ZBTB8B: variants seen among roughly 807,000 people sequenced by gnomAD.
ZBTB8B encodes the protein zinc finger and BTB domain containing 8B, also known as zinc finger and BTB domain-containing protein 8B.
ZBTB8B carries 17 observed loss-of-function variants against 30.3 expected under a neutral mutation model. The ratio of observed to expected loss-of-function variants is 0.56; its 90% CI spans 0.38 to 0.84. The LOEUF (loss-of-function observed/expected upper bound fraction) is 0.84, where lower values mean the gene tolerates loss of function less well. ZBTB8B is among the 40% of genes least tolerant of loss of function. The pLI, the probability that ZBTB8B is intolerant of heterozygous loss-of-function variation, is 0.00. For synonymous variants in ZBTB8B, 248 were observed against 255.6 expected (o/e 0.97, Z 0.28); for missense variants, 515 against 644.9 (o/e 0.80, Z 2.18).
At chr1:32,483,699 TAAA>T (rs1643724284) in intron 3 of ZBTB8B, among the ~76,000 whole-genome samples, 1 of 149,296 alleles carries the variant, frequency 6.7e-6, no homozygotes, top group Admixed American at 6.7e-5. Flanking sequence ...TATACTTTAA[TAAA>T]AATAAAAATA....
At position 32,485,657 on chromosome 1, in the gene ZBTB8B, G is replaced by A; in HGVS notation, c.*239G>A. The A allele has an allele frequency of 1.9e-6, 1 of 517,404 alleles. No individual in the cohort carries two copies. The allele number at this position is 517,404 out of a possible 1,614,324, so 32.1% of individuals were successfully genotyped here. On this transcript the variant is annotated 3_prime_UTR_variant, in exon 4 of 4. Transcript: ENST00000609129. ...TTTGCTGGCCACTCCTTAATTCTGA[G>A]TGAGTCAAAGCAGGCCCTGAGGTCT...
At chr1:32,476,217 C>T (rs572035570) in intron 2 of ZBTB8B, among the ~76,000 whole-genome samples, 2 of 152,120 alleles carry the variant, frequency 1.3e-5, no homozygotes, top group South Asian at 4.1e-4. Flanking sequence ...CTCACTGCAG[C>T]CTCGACCTCC....
In ZBTB8B at chr1:32,485,473, G is replaced by GT; in HGVS notation, c.*57dup. The stretch of plus-strand genomic sequence containing the variant: ...AAAACTTGTTAGTGCTCGTTCTGTT[G>GT]TTGAAAGATACCATTTGTCCAATTT... On this transcript the variant is annotated 3_prime_UTR_variant, in exon 4 of 4. Transcript: ENST00000609129. 6.7e-7 allele frequency: 1 copy of GT among 1,492,872 alleles called. No homozygotes were observed. Among genetic ancestry groups the GT allele is most frequent in the Non-Finnish European group, 9.0e-7 (1 of 1,106,500 alleles). 92.5% of individuals were successfully genotyped at this position (1,492,872 alleles called of 1,614,324 possible).
chr1:32,476,635 C>T lies in ZBTB8B; in HGVS notation c.992-4256C>T, dbSNP rs975559294. ...ACCACGTACCTTCCTTGCTTAAAAT[C>T]CTAGCTGGCTGGGAGTGGTGGCTCA... On this transcript the variant is annotated intron_variant, in intron 2 of 3. Transcript: ENST00000609129. 2.0e-5 allele frequency among the ~76,000 whole-genome samples: 3 copies of T among 152,074 alleles called. No homozygotes were observed. In the South Asian group the frequency reaches 6.2e-4, roughly 32 times the overall value.
chr1:32,467,072 G>T (rs1210332878), intron 1 of ZBTB8B, among the ~76,000 whole-genome samples: 2 of 152,076 alleles, frequency 1.3e-5, no homozygotes, highest in African/African-American at 4.8e-5. Context: ...TAGGAGGATT[G>T]CTTGAGCCTG....
In ZBTB8B at chr1:32,494,516, G is replaced by A. The variant is rs904094499; in HGVS notation, c.*9098G>A. On this transcript the variant is annotated 3_prime_UTR_variant, in exon 4 of 4. Coordinates refer to ENST00000609129, the MANE Select transcript of ZBTB8B (RefSeq NM_001145720.2). ...ATAAAGTATGCATTGTGTGATTATG[G>A]TCTGCATTCTTGCAATGCTTAGACA... is the stretch of plus-strand genomic sequence containing the variant. 1 of 152,030 alleles carries A rather than the reference G, an allele frequency of 6.6e-6. No homozygotes were observed. Among genetic ancestry groups the A allele is most frequent in the Non-Finnish European group, 1.5e-5 (1 of 68,042 alleles). The allele number at this position is 152,030 out of a possible 1,614,324, so 9.4% of individuals were successfully genotyped here.
chr1:32,471,750 GTACCATCATCAT>G, intron 2 of ZBTB8B, 135 bp downstream of exon 2: 1 of 991,532 alleles, frequency 1.0e-6, no homozygotes, highest in South Asian at 1.7e-5. Flanking sequence ...ATCATCACCA[GTACCATCATCAT>G]TACCATCATC....
Position 32,470,963 on chromosome 1 carries a change from C to T in ZBTB8B, c.339C>T (p.Phe113=). The T allele has an allele frequency of 1.3e-6, 2 of 1,552,260 alleles. No individual in the cohort carries two copies. Among genetic ancestry groups the T allele is most frequent in the Non-Finnish European group, 1.7e-6 (2 of 1,147,120 alleles). ...TGCAGATGAATGACGTGGTGAACTT[C>T]TGCAAGACATACATTAGGTCATCCC... The part of the protein sequence containing the change: ...SYLQMNDVVN[F]CKTYIRSSLD... Residue 113 remains phenylalanine, a synonymous_variant, in exon 2 of 4, where the codon TTC becomes TTT. Coordinates refer to ENST00000609129, the MANE Select transcript of ZBTB8B (RefSeq NM_001145720.2).
intron 3 of ZBTB8B, among the ~76,000 whole-genome samples, chr1:32,483,089 C>T (rs1643718135): frequency 1.3e-5 from 2 of 151,396 alleles, no homozygotes; most frequent in Non-Finnish European, 1.5e-5. Flanking sequence ...AAAGTGTACA[C>T]ATTAAAAAGA....
chr1:32,470,911 T>C lies in ZBTB8B; in HGVS notation c.287T>C (p.Ile96Thr), dbSNP rs1279938615. The change falls in exon 2 of 4, where the codon ATT becomes ACT. Residue 96 changes from isoleucine (I) to threonine (T), a missense_variant. By Grantham distance (89) the Ile-to-Thr change is moderately conservative (BLOSUM62 -1). This residue lies in a region of ZBTB8B where 61 missense variants were observed against 117.7 expected (regional missense o/e 0.52). Transcript: ENST00000609129. ...TTGGATTTGTGTGGGGAGAATGTGA[T>C]TGAAGTGATGTCGGCTGCCAGCTAC... ...GKLDLCGENVIEVMSAASYLQ... is the reference protein window; with the variant it reads ...GKLDLCGENVTEVMSAASYLQ... The C allele has an allele frequency of 3.9e-6, 6 of 1,552,062 alleles. No homozygotes were observed. The highest frequency in any genetic ancestry group is 2.7e-5 in the African/African-American group (2 of 73,058).
rs917865954 is a variant in ZBTB8B, at chr1:32,494,183, CAAAAAAAAAAAAAA to C, written c.*8776_*8789del. 2.7e-4 allele frequency: 13 copies of C among 48,008 alleles called. No homozygotes were observed. Among genetic ancestry groups the C allele is most frequent in the Non-Finnish European group, 7.8e-5 (2 of 25,502 alleles). The allele number at this position is 48,008 out of a possible 1,614,324, so 3.0% of individuals were successfully genotyped here. Reference sequence around the variant, plus strand: ...GGGCAACGAGAGCAAAACTCCATCTCAAAAAAAAAAAAAAAAAAAAAAAAGAAATCAGGATACAT... The same window carrying C: ...GGGCAACGAGAGCAAAACTCCATCTCAAAAAAAAAAGAAATCAGGATACAT... On this transcript the variant is annotated 3_prime_UTR_variant, in exon 4 of 4. Transcript: ENST00000609129.
At chr1:32,481,166 A>G (rs2148185148) in intron 3 of ZBTB8B, 97 bp downstream of exon 3, 1 of 1,179,718 alleles carries the variant, frequency 8.5e-7, no homozygotes, top group Non-Finnish European at 1.1e-6. Context: ...TTCTCTGTCT[A>G]CTGGGGTATT....
rs1294974475 is a variant in ZBTB8B, at chr1:32,485,226, T to C, written c.1296T>C (p.Asp432=). The C allele has an allele frequency of 3.2e-6, 5 of 1,551,432 alleles. No homozygotes were observed. The highest frequency in any genetic ancestry group is 3.5e-6 in the Non-Finnish European group (4 of 1,146,774). ...GCACCTGCGTTACAGACACACCCGA[T>C]GATGATGATGATTTGATGCCCATCA... is the stretch of plus-strand genomic sequence containing the variant. The part of the protein sequence containing the change: ...DSCTCVTDTP[D]DDDDLMPINL... Residue 432 remains aspartate (D), a synonymous_variant, in exon 4 of 4, where the codon GAT becomes GAC. Coordinates refer to ENST00000609129, the MANE Select transcript of ZBTB8B (RefSeq NM_001145720.2).
At chr1:32,481,171 G>T in intron 3 of ZBTB8B, 102 bp downstream of exon 3, 1 of 1,119,790 alleles carries the variant, frequency 8.9e-7, no homozygotes, top group Non-Finnish European at 1.2e-6. Context: ...TGTCTACTGG[G>T]GTATTTTCAG....
At position 32,471,236 on chromosome 1, in the gene ZBTB8B, A is replaced by C; in HGVS notation, c.612A>C (p.Glu204Asp). 3 of 1,551,894 alleles carry C rather than the reference A, an allele frequency of 1.9e-6. No individual in the cohort carries two copies. The highest frequency in any genetic ancestry group is 2.6e-6 in the Non-Finnish European group (3 of 1,147,026). The change falls in exon 2 of 4, where the codon GAA (glutamate) becomes GAC (aspartate). Residue 204 changes from glutamate (E) to aspartate (D), a missense_variant. Physicochemically the swap from Glu to Asp is conservative, Grantham distance 45. Transcript: ENST00000609129. ...ACTGCGGAGACTGCCACCCCTTGGA[A>C]CTGGTGGTGAGAGACAGCCTTGGCG... Reference protein sequence around the residue: ...CGDCGDCHPLELVVRDSLGGG... With the variant: ...CGDCGDCHPLDLVVRDSLGGG...
rs1041098956 is a variant in ZBTB8B at position 32,470,574 on chromosome 1, A to G, written c.-41-10A>G. 11 of 1,484,854 alleles carry G rather than the reference A, an allele frequency of 7.4e-6. No homozygotes were observed. In the Admixed American group the frequency reaches 2.3e-4, roughly 30 times the overall value. The allele number at this position is 1,484,854 out of a possible 1,614,324, so 92.0% of individuals were successfully genotyped here. On this transcript the variant is annotated splice_polypyrimidine_tract_variant and intron_variant, in intron 1 of 3. Transcript: ENST00000609129. ...GGATTTGTGAATTAACTTAAGAAAA[A>G]TCTTGGCAGAGATACAGGTTTGCTC...
chr1:32,490,070 C>G lies in ZBTB8B; in HGVS notation c.*4652C>G, dbSNP rs1643769399. ...AAGGCAACAGGTAGGGCTGCATGCA[C>G]TGATTCTGGGAGCCGTAGGAAAGAG... On this transcript the variant is annotated 3_prime_UTR_variant, in exon 4 of 4. Transcript: ENST00000609129. The G allele has an allele frequency of 6.6e-6, 1 of 152,164 alleles. No individual in the cohort carries two copies. The highest frequency in any genetic ancestry group is 1.5e-5 in the Non-Finnish European group (1 of 68,034). The allele number at this position is 152,164 out of a possible 1,614,324, so 9.4% of individuals were successfully genotyped here. A position where few individuals can be genotyped will look rare whatever the true frequency, so the allele number is the denominator to read the frequency against.
At chr1:32,472,801 G>C (rs1476380840) in intron 2 of ZBTB8B, among the ~76,000 whole-genome samples, 1 of 152,182 alleles carries the variant, frequency 6.6e-6, no homozygotes, top group Non-Finnish European at 1.5e-5. Context: ...ATTTTCAGTA[G>C]AGACAGGGTT....
rs1012896701 is a variant in ZBTB8B at position 32,465,729 on chromosome 1, C to T, written c.-42+624C>T. Among the ~76,000 whole-genome samples, 1 of 152,154 alleles carries T rather than the reference C, an allele frequency of 6.6e-6. No homozygotes were observed. Among genetic ancestry groups the T allele is most frequent in the Non-Finnish European group, 1.5e-5 (1 of 68,024 alleles). The stretch of plus-strand genomic sequence containing the variant: ...TGGAGGGTTTGAGGAGGCCGGTTAG[C>T]ATAGTGGTTAAGGATGTCAACCCGG... On this transcript the variant is annotated intron_variant, in intron 1 of 3. Coordinates refer to ENST00000609129, the MANE Select transcript of ZBTB8B (RefSeq NM_001145720.2). This position sits in a 1 kb window ranked among gnomAD's most constrained non-coding sequence, Gnocchi z 4.1.
Sources: allele counts gnomAD v4.1 joint callset (sites outside exome capture counted in the v4.1 genomes callset), GRCh38; gene constraint gnomAD v4.1.1; regional missense constraint gnomAD v4.1.1; non-coding constraint Gnocchi (gnomAD v3.1); transcripts MANE v1.5; gene names NCBI Gene and HGNC (gene_info 2026-07-23, HGNC 2026-07-21).